Variants in KCNQ1 observed in about 807,000 individuals in gnomAD.
KCNQ1 encodes the protein potassium voltage-gated channel subfamily Q member 1.
Under a neutral mutation model 72.4 loss-of-function variants are expected in KCNQ1, and 49 were observed. The ratio of observed to expected loss-of-function variants is 0.68; its 90% confidence interval spans 0.54 to 0.86. The LOEUF is 0.86. Ranked by LOEUF, KCNQ1 falls within the 40% of genes least tolerant of loss-of-function variation. The probability of loss-of-function intolerance (pLI) is 0.00; values close to 1 mark genes in which losing one functional copy is unlikely to be tolerated. For missense variants in KCNQ1, 790 were observed against 945.1 expected, an observed-to-expected ratio of 0.84 and a Z score of 2.15; for synonymous variants, 450 against 412.6, an observed-to-expected ratio of 1.09 and a Z score of -1.10.
chr11:2,803,543 G>A lies in KCNQ1; in HGVS notation c.1794+25506G>A, dbSNP rs1847314735. On this transcript the variant is annotated intron_variant, in intron 15 of 15. Coordinates refer to ENST00000155840, the MANE Select transcript of KCNQ1 (RefSeq NM_000218.3). The surrounding 1 kb of genome is among the most constrained non-coding windows in gnomAD (Gnocchi z 6.4). ...CTCGCCCTTTCTCCCTGCAGGCACT[G>A]GCAGAGCTGGGGGTGATGGGGCTTC... is the stretch of plus-strand genomic sequence containing the variant. Among the ~76,000 whole-genome samples the A allele has an allele frequency of 1.3e-5, 2 of 152,156 alleles. No homozygotes were observed. Among genetic ancestry groups the A allele is most frequent in the South Asian group, 4.1e-4 (2 of 4,828 alleles).
chr11:2,714,829 GATGCAGAC>G (rs1241425207), intron 11 of KCNQ1, among the ~76,000 whole-genome samples: 4 of 152,120 alleles, frequency 2.6e-5, no homozygotes, highest in Non-Finnish European at 4.4e-5. Flanking sequence ...GCAAGGGAAT[GATGCAGAC>G]AGAGGTGCCT....
At chr11:2,502,029 A>G (rs1847022785) in intron 1 of KCNQ1, among the ~76,000 whole-genome samples, 2 of 152,230 alleles carry the variant, frequency 1.3e-5, no homozygotes, top group Admixed American at 1.3e-4. Context: ...AAACCTAGGT[A>G]TAGAAGGAAC....
At chr11:2,831,414 G>A (rs1157479864) in intron 15 of KCNQ1, among the ~76,000 whole-genome samples, 1 of 152,112 alleles carries the variant, frequency 6.6e-6, no homozygotes, top group Non-Finnish European at 1.5e-5. Flanking sequence ...ACACTGTGGG[G>A]CTGTCGAAGG....
chr11:2,572,185 C>A, intron 5 of KCNQ1, 76 bp downstream of exon 5: 1 of 1,158,568 alleles, frequency 8.6e-7, no homozygotes, highest in Middle Eastern at 2.2e-4. Flanking sequence ...CACACTAGGA[C>A]AGCTTGAGAT....
intron 1 of KCNQ1, chr11:2,461,437 T>C: frequency 7.8e-7 from 1 of 1,283,100 alleles, no homozygotes. Context: ...GGGTGGCCCC[T>C]CTTCCCTTCC....
rs528891788 is a variant in KCNQ1, at chr11:2,824,836, G to A, written c.1795-22931G>A. On this transcript the variant is annotated intron_variant, in intron 15 of 15. Coordinates refer to ENST00000155840, the MANE Select transcript of KCNQ1 (RefSeq NM_000218.3). This position sits in a 1 kb window ranked among gnomAD's most constrained non-coding sequence, Gnocchi z 5.9. Reference sequence around the variant, plus strand: ...ACTTGGCCTGTCTCAGTGCCGTGCCGCATCCATCCTGCCCCTGGCACCGGA... The same window carrying A: ...ACTTGGCCTGTCTCAGTGCCGTGCCACATCCATCCTGCCCCTGGCACCGGA... 1.6e-4 allele frequency among the ~76,000 whole-genome samples: 25 copies of A among 152,316 alleles called. No homozygotes were observed. Among genetic ancestry groups the A allele is most frequent in the Admixed American group, 1.4e-3 (22 of 15,304 alleles).
intron 10 of KCNQ1, chr11:2,649,272 G>A (rs1486892973): frequency 2.5e-6 from 1 of 398,252 alleles, no homozygotes. Context: ...TGACTGATTT[G>A]TATACTTTTG....
At chr11:2,519,773 GC>G (rs35000098) in intron 1 of KCNQ1, among the ~76,000 whole-genome samples, 38 of 92,414 alleles carry the variant, frequency 4.1e-4, no homozygotes, top group Admixed American at 7.1e-4. Flanking sequence ...GCAGGTGTTG[GC>G]CCCCCCCCAC....
chr11:2,610,010 ATAT>A (rs906772374), intron 10 of KCNQ1: 1 of 397,922 alleles, frequency 2.5e-6, no homozygotes, highest in Non-Finnish European at 4.4e-6. Context: ...TTCACATTTA[ATAT>A]TATTATTGAT....
chr11:2,585,398 G>A, intron 8 of KCNQ1, 91 bp downstream of exon 8: 1 of 1,164,596 alleles, frequency 8.6e-7, no homozygotes, highest in Admixed American at 1.8e-5. Flanking sequence ...AACCATCATT[G>A]GCCCCTGCAT....
At chr11:2,644,116 C>A (rs1464858835) in intron 10 of KCNQ1, 5 of 398,332 alleles carry the variant, frequency 1.3e-5, no homozygotes, top group Non-Finnish European at 2.2e-5. Context: ...TTCTGAGATT[C>A]CTATATTTGG....
Position 2,662,004 on chromosome 11 carries a change from C to A in KCNQ1, c.1437C>A (p.Phe479Leu), listed in dbSNP as rs1849965957. ...PTLLEVSMPH[F>L]MRTNSFAEDL... ...TGCTGGAAGTGAGCATGCCCCATTT[C>A]ATGAGAACCAACAGCTTCGCCGAGG... The change falls in exon 11 of 16, where the codon TTC (phenylalanine) becomes TTA (leucine). Residue 479 changes from phenylalanine to leucine, a missense_variant. Physicochemically the swap from Phe to Leu is conservative, Grantham distance 22. Coordinates refer to ENST00000155840, the MANE Select transcript of KCNQ1 (RefSeq NM_000218.3). The A allele has an allele frequency of 1.2e-6, 2 of 1,614,236 alleles. No individual in the cohort carries two copies. Among genetic ancestry groups the A allele is most frequent in the Non-Finnish European group, 1.7e-6 (2 of 1,180,034 alleles).
At chr11:2,534,488 G>A (rs1235947147) in intron 2 of KCNQ1, among the ~76,000 whole-genome samples, 3 of 152,248 alleles carry the variant, frequency 2.0e-5, no homozygotes, top group Non-Finnish European at 2.9e-5. Context: ...GCTGCCGCCC[G>A]CTGAGGGTTG....
intron 10 of KCNQ1, among the ~76,000 whole-genome samples, chr11:2,591,722 C>T (rs778297437): frequency 5.9e-5 from 9 of 152,244 alleles, no homozygotes; most frequent in Non-Finnish European, 2.9e-5. Flanking sequence ...GGGGCAAGTG[C>T]GGAGAAAGTC....
At chr11:2,739,986 T>C (rs1421568709) in intron 11 of KCNQ1, among the ~76,000 whole-genome samples, 1 of 152,238 alleles carries the variant, frequency 6.6e-6, no homozygotes, top group Non-Finnish European at 1.5e-5. Flanking sequence ...CCCTGGGGAC[T>C]AGAGCAGGCT....
Position 2,714,956 on chromosome 11 carries a change from G to A in KCNQ1, c.1514+52875G>A, listed in dbSNP as rs371800220. ...ACTCTAATGGGGGCACAAAGCCAGG[G>A]GGGAGCCTGCAGGAGGGGCCTAGCC... On this transcript the variant is annotated intron_variant, in intron 11 of 15. Coordinates refer to ENST00000155840, the MANE Select transcript of KCNQ1 (RefSeq NM_000218.3). Among the ~76,000 whole-genome samples the A allele has an allele frequency of 9.2e-4, 140 of 152,204 alleles. 1 individual carries two copies. The highest frequency in any genetic ancestry group is 2.9e-3 in the African/African-American group (122 of 41,506).
In KCNQ1 at chr11:2,830,990, G is replaced by A. The variant is rs539586537; in HGVS notation, c.1795-16777G>A. On this transcript the variant is annotated intron_variant, in intron 15 of 15. Transcript: ENST00000155840. This position sits in a 1 kb window ranked among gnomAD's most constrained non-coding sequence, Gnocchi z 7.7. ...GGACAGGGAAGTGGTGATGATGAGA[G>A]GCAGCTGGTCTGGGTGCTCAGCCCC... Among the ~76,000 whole-genome samples the A allele has an allele frequency of 4.6e-4, 70 of 152,360 alleles. No individual in the cohort carries two copies. The highest frequency in any genetic ancestry group is 1.7e-3 in the African/African-American group (70 of 41,578).
In KCNQ1 at chr11:2,840,689, A is replaced by G. The variant is rs116130236; in HGVS notation, c.1795-7078A>G. ...AAAAAATAATAAATGCCATAAACCCATACACGAGACAAATAGCACACTAGG... is the reference window on the plus strand; with the variant it reads ...AAAAAATAATAAATGCCATAAACCCGTACACGAGACAAATAGCACACTAGG... On this transcript the variant is annotated intron_variant, in intron 15 of 15. Transcript: ENST00000155840. Among the ~76,000 whole-genome samples, 336 of 152,322 alleles carry G rather than the reference A, an allele frequency of 2.2e-3. 2 individuals carry two copies. The highest frequency in any genetic ancestry group is 7.8e-3 in the African/African-American group (323 of 41,568).
chr11:2,631,597 GA>G, intron 10 of KCNQ1: 1 of 398,478 alleles, frequency 2.5e-6, no homozygotes, highest in Non-Finnish European at 4.4e-6. Flanking sequence ...GTCAGTCCCT[GA>G]AAATTATTGT....
Sources: gnomAD v4.1 joint callset for allele counts (sites outside exome capture counted in the v4.1 genomes callset) on GRCh38, gnomAD v4.1.1 for gene constraint, Gnocchi (gnomAD v3.1) non-coding constraint, MANE v1.5 for transcripts, NCBI Gene and HGNC (gene_info 2026-07-23, HGNC 2026-07-21) for gene names.